GNG4: variants seen among roughly 807,000 people sequenced by gnomAD.
GNG4 encodes the protein guanine nucleotide-binding protein G(I)/G(S)/G(O) subunit gamma-4.
In GNG4, 4 loss-of-function variants were observed where a neutral mutation model predicts 5.8. The ratio of observed to expected loss-of-function variants is 0.69; its 90% CI spans 0.34 to 1.57. GNG4 has a LOEUF of 1.57. Among genes scored for constraint, GNG4 ranks in the 40% most tolerant of loss-of-function variants. The pLI, the probability that GNG4 is intolerant of heterozygous loss-of-function variation, is 0.06. For synonymous variants in GNG4, 29 were observed against 32.9 expected (o/e 0.88, Z 0.41); for missense variants, 96 against 95.1 (o/e 1.01, Z -0.04).
rs543616824 is a variant in GNG4, at chr1:235,594,754, C to A, written c.-11+646G>T. On this transcript the variant is annotated intron_variant, in intron 2 of 3. Coordinates refer to ENST00000391854, the MANE Select transcript of GNG4 (RefSeq NM_001098722.2). Reference sequence around the variant, plus strand: ...ACCGTGCGCAGCCCCAGTTCCCGCCCGTGCCTCTCCCTCCACACCTCCCTG... The same window carrying A: ...ACCGTGCGCAGCCCCAGTTCCCGCCAGTGCCTCTCCCTCCACACCTCCCTG... Among the ~76,000 whole-genome samples the A allele has an allele frequency of 5.4e-3, 828 of 152,334 alleles. 6 individuals are homozygous for A. The highest frequency in any genetic ancestry group is 7.4e-3 in the Non-Finnish European group (506 of 68,014).
chr1:235,588,584 G>A (rs1008058804), intron 2 of GNG4, among the ~76,000 whole-genome samples: 2 of 151,876 alleles, frequency 1.3e-5, no homozygotes, highest in East Asian at 1.9e-4. Context: ...GCTGCTCAGC[G>A]CTGCTGGAGA....
rs191039322 is a variant in GNG4 at position 235,569,119 on chromosome 1, A to T, written c.99+14621T>A. 4.2e-3 allele frequency among the ~76,000 whole-genome samples: 641 copies of T among 152,124 alleles called. 5 individuals carry two copies. The highest frequency in any genetic ancestry group is 0.013 in the African/African-American group (554 of 41,492). ...TGGGACAACAGGTGTGAGCCACTGC[A>T]CCTGGCCTGGGCCTGTTTTCTTGTC... On this transcript the variant is annotated intron_variant, in intron 3 of 3. Transcript: ENST00000391854.
At chr1:235,568,375 C>T (rs1336106260) in intron 3 of GNG4, among the ~76,000 whole-genome samples, 3 of 152,102 alleles carry the variant, frequency 2.0e-5, no homozygotes, top group Non-Finnish European at 4.4e-5. Context: ...CTCGGGAAGA[C>T]CTTTTGACTG....
chr1:235,628,420 G>A (rs1204690596), intron 1 of GNG4, among the ~76,000 whole-genome samples: 1 of 150,348 alleles, frequency 6.7e-6, no homozygotes, highest in Non-Finnish European at 1.5e-5. Context: ...AGGAGACGGG[G>A]GGGGGTTACA....
intron 1 of GNG4, among the ~76,000 whole-genome samples, chr1:235,599,026 C>T (rs1205755509): frequency 6.6e-6 from 1 of 152,136 alleles, no homozygotes; most frequent in African/African-American, 2.4e-5. Context: ...CACACCCGGC[C>T]TTCCCAGGTG....
chr1:235,573,123 T>C (rs1687385647), intron 3 of GNG4, among the ~76,000 whole-genome samples: 2 of 151,982 alleles, frequency 1.3e-5, no homozygotes, highest in Admixed American at 6.6e-5. Flanking sequence ...GTGGCACATA[T>C]ACACCATGGA....
chr1:235,596,201 A>AAACC (rs1688118571), intron 1 of GNG4, among the ~76,000 whole-genome samples: 1 of 122,098 alleles, frequency 8.2e-6, no homozygotes, highest in Admixed American at 8.6e-5. Flanking sequence ...AAAAACAAAC[A>AAACC]AACAAAATAC....
chr1:235,570,051 A>G (rs966952735), intron 3 of GNG4, among the ~76,000 whole-genome samples: 4 of 152,050 alleles, frequency 2.6e-5, no homozygotes, highest in African/African-American at 9.7e-5. Flanking sequence ...AGCAGTTTGG[A>G]CCTGCAGATT....
At chr1:235,586,735 C>G (rs1241978135) in intron 2 of GNG4, among the ~76,000 whole-genome samples, 3 of 152,210 alleles carry the variant, frequency 2.0e-5, no homozygotes, top group Non-Finnish European at 4.4e-5. Context: ...GATAGTATGG[C>G]TCCCCCTTCA....
chr1:235,628,564 T>C (rs1438378820), intron 1 of GNG4, among the ~76,000 whole-genome samples: 7 of 152,110 alleles, frequency 4.6e-5, no homozygotes, highest in Non-Finnish European at 2.9e-5. Context: ...CCCACCCAGA[T>C]GATGGTGTCC....
chr1:235,606,918 C>T (rs1688373574), intron 1 of GNG4, among the ~76,000 whole-genome samples: 1 of 150,406 alleles, frequency 6.6e-6, no homozygotes, highest in Non-Finnish European at 1.5e-5. Context: ...TTCCTTCCTT[C>T]CCTCCCTCCC....
chr1:235,599,449 T>A (rs1360123560), intron 1 of GNG4, among the ~76,000 whole-genome samples: 1 of 151,840 alleles, frequency 6.6e-6, no homozygotes, highest in Non-Finnish European at 1.5e-5. Flanking sequence ...CCCGAGTAGC[T>A]GGGATTACAG....
At chr1:235,610,126 A>T (rs773339005) in intron 1 of GNG4, among the ~76,000 whole-genome samples, 18 of 152,218 alleles carry the variant, frequency 1.2e-4, no homozygotes, top group Non-Finnish European at 2.4e-4. Flanking sequence ...TGGAGTTCTT[A>T]TGCCTCTTTA....
At chr1:235,615,772 C>A in intron 1 of GNG4, 1 of 251,928 alleles carries the variant, frequency 4.0e-6, no homozygotes, top group Non-Finnish European at 8.1e-6. Context: ...GGAGAAGCTG[C>A]AGAATGGGGA....
At chr1:235,553,829 C>T (rs567672228) in intron 3 of GNG4, among the ~76,000 whole-genome samples, 4 of 152,334 alleles carry the variant, frequency 2.6e-5, no homozygotes, top group African/African-American at 9.6e-5. Context: ...AGCAGCTCAA[C>T]CTTTCTGAGC....
chr1:235,591,192 A>T (rs1687952548), intron 2 of GNG4, among the ~76,000 whole-genome samples: 1 of 152,178 alleles, frequency 6.6e-6, no homozygotes, highest in East Asian at 1.9e-4. Flanking sequence ...CAGGAGTGGA[A>T]GGAAGCACTG....
chr1:235,625,090 G>A (rs559439825), intron 1 of GNG4, among the ~76,000 whole-genome samples: 1 of 137,148 alleles, frequency 7.3e-6, no homozygotes, highest in East Asian at 2.2e-4. Context: ...CTGGCAAAGG[G>A]GCTCTGGGGC....
chr1:235,585,207 T>TTTTCC (rs142815662), intron 2 of GNG4, among the ~76,000 whole-genome samples: 18,195 of 150,916 alleles, frequency 0.12, 1,579 homozygotes, highest in African/African-American at 0.24. Flanking sequence ...TTCTTTTTCC[T>TTTTCC]TTTCCTTTCC....
rs187449043 is a variant in GNG4 at position 235,570,687 on chromosome 1, C to A, written c.99+13053G>T. Among the ~76,000 whole-genome samples the A allele has an allele frequency of 3.3e-5, 5 of 150,714 alleles. No homozygotes were observed. In the East Asian group the frequency reaches 1.0e-3, roughly 30 times the overall value. On this transcript the variant is annotated intron_variant, in intron 3 of 3. Transcript: ENST00000391854. Reference sequence around the variant, plus strand: ...AGTGCTGGGATTACAGGCATGAGCACCGCACCCAGTCTAAATAAATTTTTA... The same window carrying A: ...AGTGCTGGGATTACAGGCATGAGCAACGCACCCAGTCTAAATAAATTTTTA...
Sources: allele counts gnomAD v4.1 joint callset (sites outside exome capture counted in the v4.1 genomes callset), GRCh38; gene constraint gnomAD v4.1.1; transcripts MANE v1.5; gene names NCBI Gene and HGNC (gene_info 2026-07-23, HGNC 2026-07-21).